ZRANB3: variants seen among roughly 807,000 people sequenced by gnomAD.
ZRANB3 encodes the protein zinc finger RANBP2-type containing 3.
A neutral mutation model predicts 133.8 loss-of-function variants in ZRANB3; 125 were observed. The observed-to-expected ratio is 0.93, with a 90% confidence interval of 0.81 to 1.08. ZRANB3 has a LOEUF of 1.08. ZRANB3 is among the 50% of genes least tolerant of loss of function. The pLI, the probability that ZRANB3 is intolerant of heterozygous loss-of-function variation, is 0.00. For missense variants in ZRANB3, 1,229 were observed against 1,275.5 expected, an observed-to-expected ratio of 0.96 and a Z score of 0.56; for synonymous variants, 387 against 432.7, an observed-to-expected ratio of 0.89 and a Z score of 1.31.
In ZRANB3 at chr2:135,245,875, G is replaced by A. The variant is rs1340222223; in HGVS notation, c.1540-14948C>T. Among the ~76,000 whole-genome samples the A allele has an allele frequency of 5.9e-5, 7 of 118,574 alleles. No homozygotes were observed. The South Asian group carries it at 1.0e-3, about 17-fold the overall frequency. The allele number at this position is 118,574 out of a possible 152,430, so 77.8% of individuals were successfully genotyped here. ...TGGGAGGCAGAGGTTATGGTGAGCC[G>A]AGATCGCGTCATTGCACTCCAGCCT... is the stretch of plus-strand genomic sequence containing the variant. On this transcript the variant is annotated intron_variant, in intron 12 of 20. Coordinates refer to ENST00000264159, the MANE Select transcript of ZRANB3 (RefSeq NM_032143.4).
intron 12 of ZRANB3, among the ~76,000 whole-genome samples, chr2:135,241,277 C>T (rs1695538527): frequency 6.6e-6 from 1 of 150,794 alleles, no homozygotes; most frequent in Non-Finnish European, 1.5e-5. Context: ...CTTAGTTTTC[C>T]TCTACTTATC....
At chr2:135,420,461 TATTAA>T (rs1023015870) in intron 2 of ZRANB3, among the ~76,000 whole-genome samples, 19 of 152,194 alleles carry the variant, frequency 1.2e-4, no homozygotes, top group Non-Finnish European at 2.6e-4. Context: ...TAGGGGAGTT[TATTAA>T]ATTAATGTTA....
rs1485459710 is a variant in ZRANB3 at position 135,360,968 on chromosome 2, G to C, written c.181-7340C>G. ...GTTTGTTTGTTTGTTTGTAGAGATG[G>C]GGGGGTCTCACTTTGTTGTCCAGGC... On this transcript the variant is annotated intron_variant, in intron 3 of 20. Transcript: ENST00000264159. Among the ~76,000 whole-genome samples, 9 of 152,048 alleles carry C rather than the reference G, an allele frequency of 5.9e-5. No individual in the cohort carries two copies. The East Asian group carries it at 1.8e-3, about 30-fold the overall frequency.
At chr2:135,323,212 G>C (rs1265817648) in intron 6 of ZRANB3, among the ~76,000 whole-genome samples, 1 of 152,128 alleles carries the variant, frequency 6.6e-6, no homozygotes, top group East Asian at 1.9e-4. Flanking sequence ...GTTTAACAAT[G>C]AAACAGTTTG....
intron 8 of ZRANB3, among the ~76,000 whole-genome samples, chr2:135,285,275 A>C (rs991733824): frequency 7.9e-5 from 12 of 152,330 alleles, no homozygotes; most frequent in African/African-American, 2.9e-4. Flanking sequence ...GCCTTCCTCC[A>C]TGCCACATCT....
At chr2:135,305,262 T>C (rs1474551648) in intron 8 of ZRANB3, among the ~76,000 whole-genome samples, 2 of 152,208 alleles carry the variant, frequency 1.3e-5, no homozygotes, top group Non-Finnish European at 2.9e-5. Flanking sequence ...GCCTGGCCCC[T>C]TTTACTATTT....
Position 135,288,663 on chromosome 2 carries a change from T to C in ZRANB3, c.967-12908A>G, listed in dbSNP as rs534862765. On this transcript the variant is annotated intron_variant, in intron 8 of 20. Coordinates refer to ENST00000264159, the MANE Select transcript of ZRANB3 (RefSeq NM_032143.4). ...TTGTATATTTCCAGGAATTTATCCA[T>C]GTCTTCTAGGTTTTCTAGTTTGTGC... Among the ~76,000 whole-genome samples, 48 of 152,292 alleles carry C rather than the reference T, an allele frequency of 3.2e-4. 1 individual carries two copies. Among genetic ancestry groups the C allele is most frequent in the South Asian group, 2.9e-3 (14 of 4,828 alleles).
At chr2:135,332,063 G>A (rs1489756028) in intron 6 of ZRANB3, among the ~76,000 whole-genome samples, 1 of 152,024 alleles carries the variant, frequency 6.6e-6, no homozygotes, top group Non-Finnish European at 1.5e-5. Context: ...TTCATTACAT[G>A]TAAGATAGAT....
At chr2:135,314,489 T>G (rs1322070025) in intron 7 of ZRANB3, among the ~76,000 whole-genome samples, 2 of 152,206 alleles carry the variant, frequency 1.3e-5, no homozygotes, top group Admixed American at 6.5e-5. Context: ...ATTTTCAGAT[T>G]TGCAGAAATT....
chr2:135,485,236 G>A (rs1692057179), intron 2 of ZRANB3, among the ~76,000 whole-genome samples: 1 of 151,370 alleles, frequency 6.6e-6, no homozygotes, highest in Admixed American at 6.6e-5. Flanking sequence ...TTCCAAAGTA[G>A]GAGGAATAGC....
At chr2:135,361,558 G>A (rs1685694731) in intron 3 of ZRANB3, among the ~76,000 whole-genome samples, 1 of 135,808 alleles carries the variant, frequency 7.4e-6, no homozygotes, top group Admixed American at 7.2e-5. Flanking sequence ...CATTAAAAAT[G>A]CTCATTGACA....
intron 8 of ZRANB3, among the ~76,000 whole-genome samples, chr2:135,286,438 C>A (rs975774258): frequency 6.6e-6 from 1 of 152,122 alleles, no homozygotes; most frequent in Non-Finnish European, 1.5e-5. Context: ...CCACTACACC[C>A]GGCTAATTTT....
intron 9 of ZRANB3, among the ~76,000 whole-genome samples, chr2:135,274,679 A>T (rs1023139204): frequency 4.7e-5 from 7 of 148,886 alleles, no homozygotes; most frequent in Admixed American, 3.4e-4. Context: ...GCAGAGGGGG[A>T]TTTGGCAGGG....
intron 8 of ZRANB3, among the ~76,000 whole-genome samples, chr2:135,312,809 A>G (rs968897121): frequency 6.6e-6 from 1 of 152,046 alleles, no homozygotes; most frequent in Non-Finnish European, 1.5e-5. Context: ...TGAGGTCAGG[A>G]GTTCAAGACC....
intron 1 of ZRANB3, chr2:135,510,949 T>C (rs1218804872): frequency 7.2e-6 from 6 of 834,896 alleles, no homozygotes; most frequent in East Asian, 4.8e-5. Context: ...CTCACCACTC[T>C]TTGGGGTTCA....
chr2:135,286,672 G>T (rs1315082830), intron 8 of ZRANB3, among the ~76,000 whole-genome samples: 1 of 152,160 alleles, frequency 6.6e-6, no homozygotes, highest in Non-Finnish European at 1.5e-5. Context: ...AATACGTGAT[G>T]ATGAGCATTT....
At chr2:135,389,102 A>T (rs534691290) in intron 3 of ZRANB3, among the ~76,000 whole-genome samples, 2 of 152,252 alleles carry the variant, frequency 1.3e-5, no homozygotes, top group South Asian at 4.2e-4. Context: ...AAAACAAACC[A>T]AAACAAGCAA....
chr2:135,322,358 A>T (rs1683570947), intron 6 of ZRANB3, among the ~76,000 whole-genome samples: 1 of 152,134 alleles, frequency 6.6e-6, no homozygotes, highest in Non-Finnish European at 1.5e-5. Flanking sequence ...CAATTTCTAC[A>T]AAATCTTGGG....
rs1406344843 is a variant in ZRANB3, at chr2:135,362,130, G to A, written c.181-8502C>T. Among the ~76,000 whole-genome samples the A allele has an allele frequency of 4.6e-5, 7 of 151,564 alleles. No individual in the cohort carries two copies. The East Asian group carries it at 7.7e-4, about 17-fold the overall frequency. ...GGAGAATGGCATGAACCTGGGAGGC[G>A]GAGCTTGCAGTGAGCTGAGATCGCG... On this transcript the variant is annotated intron_variant, in intron 3 of 20. Transcript: ENST00000264159.
Sources: gnomAD v4.1 joint callset for allele counts (sites outside exome capture counted in the v4.1 genomes callset) on GRCh38, gnomAD v4.1.1 for gene constraint, MANE v1.5 for transcripts, NCBI Gene and HGNC (gene_info 2026-07-23, HGNC 2026-07-21) for gene names.